The following ANKFN1 variants were observed in gnomAD, a reference collection of about 807,000 sequenced individuals.
ANKFN1 encodes the protein ankyrin repeat and fibronectin type III domain containing 1.
ANKFN1 carries 74 observed loss-of-function variants against 108.7 expected under a neutral mutation model. The observed-to-expected ratio is 0.68, with a 90% CI of 0.56 to 0.83. The LOEUF (loss-of-function observed/expected upper bound fraction) is 0.83, where lower values mean the gene tolerates loss of function less well. Ranked by LOEUF, ANKFN1 falls within the 40% of genes least tolerant of loss-of-function variation. The pLI is 0.00. For synonymous variants in ANKFN1, 547 were observed against 516.2 expected (o/e 1.06, Z -0.81); for missense variants, 1,505 against 1,382.3 (o/e 1.09, Z -1.41).
rs144827394 is a variant in ANKFN1 at position 56,227,977 on chromosome 17, G to C, written c.53+20G>C. 7,230 of 1,599,608 alleles carry C rather than the reference G, an allele frequency of 4.5e-3. 17 individuals are homozygous for C. Among genetic ancestry groups the C allele is most frequent in the Non-Finnish European group, 5.3e-3 (6,256 of 1,172,770 alleles). On this transcript the variant is annotated intron_variant, in intron 3 of 20. Coordinates refer to ENST00000682825, the MANE Select transcript of ANKFN1 (RefSeq NM_001370326.1). ...CAAAATGTAAGTACATTTCCTCCTT[G>C]AAATGGTATCTACTTCTCAGCTGTA... is the stretch of plus-strand genomic sequence containing the variant.
At chr17:56,343,508 G>A (rs1482402712) in intron 4 of ANKFN1, among the ~76,000 whole-genome samples, 1 of 151,572 alleles carries the variant, frequency 6.6e-6, no homozygotes, top group East Asian at 1.9e-4. Context: ...TTTCTCTCTT[G>A]CTATCTTTAA....
chr17:56,147,177 G>T (rs1287447989), intron 4 of ANKFN1, among the ~76,000 whole-genome samples: 3 of 152,102 alleles, frequency 2.0e-5, no homozygotes, highest in Non-Finnish European at 2.9e-5. Context: ...CAGCATTTTG[G>T]TCAAGCCGTT....
At chr17:56,453,160 G>A (rs961948776) in intron 11 of ANKFN1, among the ~76,000 whole-genome samples, 3 of 151,394 alleles carry the variant, frequency 2.0e-5, no homozygotes, top group Admixed American at 6.6e-5. Context: ...AATGTTTTTC[G>A]ATTTTAGTCA....
chr17:56,393,193 A>G (rs1376769088), intron 8 of ANKFN1, among the ~76,000 whole-genome samples: 1 of 152,152 alleles, frequency 6.6e-6, no homozygotes, highest in Non-Finnish European at 1.5e-5. Context: ...GGCCATTTGT[A>G]TACAATACCT....
intron 3 of ANKFN1, among the ~76,000 whole-genome samples, chr17:56,316,205 A>G (rs2045202185): frequency 6.6e-6 from 1 of 152,174 alleles, no homozygotes; most frequent in Admixed American, 6.5e-5. Context: ...TTACACAGTT[A>G]TGCGTCTTTA....
At chr17:56,307,369 A>G (rs532435682) in intron 3 of ANKFN1, among the ~76,000 whole-genome samples, 1 of 152,352 alleles carries the variant, frequency 6.6e-6, no homozygotes, top group African/African-American at 2.4e-5. Context: ...ATGAACTCCA[A>G]CACATTTACA....
chr17:56,280,355 C>T (rs1006009990), intron 3 of ANKFN1, among the ~76,000 whole-genome samples: 2 of 152,128 alleles, frequency 1.3e-5, no homozygotes, highest in Admixed American at 6.5e-5. Context: ...AGAGGAAGGG[C>T]GATTTGCTTC....
rs2047550239 is a variant in ANKFN1 at position 56,395,348 on chromosome 17, A to G, written c.910+20634A>G. On this transcript the variant is annotated intron_variant, in intron 8 of 20. Transcript: ENST00000682825. ...AGCACCAATCAGACGCTGTTGTGTG[A>G]AAAGACACAACCACAGCCATACGGA... Among the ~76,000 whole-genome samples the G allele has an allele frequency of 3.3e-5, 5 of 152,162 alleles. No homozygotes were observed. The South Asian group carries it at 1.0e-3, about 32-fold the overall frequency.
At chr17:56,361,530 T>G (rs796683410) in intron 6 of ANKFN1, among the ~76,000 whole-genome samples, 4 of 152,196 alleles carry the variant, frequency 2.6e-5, no homozygotes, top group African/African-American at 9.6e-5. Context: ...TTCCTTACCC[T>G]CTCTGTGGCC....
At chr17:56,239,912 T>G (rs1224281484) in intron 3 of ANKFN1, among the ~76,000 whole-genome samples, 1 of 152,104 alleles carries the variant, frequency 6.6e-6, no homozygotes, top group African/African-American at 2.4e-5. Flanking sequence ...AAGGACAGCT[T>G]ACACATTCGG....
At chr17:56,324,566 T>C (rs778848420) in intron 3 of ANKFN1, among the ~76,000 whole-genome samples, 1 of 152,176 alleles carries the variant, frequency 6.6e-6, no homozygotes, top group South Asian at 2.1e-4. Flanking sequence ...TAAGTCTGCA[T>C]TCAAGCCAAA....
intron 4 of ANKFN1, among the ~76,000 whole-genome samples, chr17:56,124,860 G>C (rs1245220543): frequency 6.6e-6 from 1 of 152,140 alleles, no homozygotes; most frequent in Admixed American, 6.5e-5. Context: ...GCTGTCCTTG[G>C]TTCTCTTTCC....
intron 1 of ANKFN1, among the ~76,000 whole-genome samples, chr17:56,173,876 G>T (rs1910894451): frequency 6.6e-6 from 1 of 152,170 alleles, no homozygotes; most frequent in African/African-American, 2.4e-5. Flanking sequence ...AGTATCAGCT[G>T]GGAAATGTCA....
At chr17:56,391,409 T>TAC (rs2047434725) in intron 8 of ANKFN1, among the ~76,000 whole-genome samples, 1 of 141,976 alleles carries the variant, frequency 7.0e-6, no homozygotes, top group South Asian at 2.2e-4. Context: ...TGTGTGTGTG[T>TAC]GTACATATAT....
chr17:56,444,814 A>G (rs560153276), intron 10 of ANKFN1, among the ~76,000 whole-genome samples: 53 of 152,292 alleles, frequency 3.5e-4, no homozygotes, highest in African/African-American at 1.3e-3. Flanking sequence ...ACACTGGTAC[A>G]TGGCTGAACC....
In ANKFN1 at chr17:56,337,597, A is replaced by G. The variant is rs184584181; in HGVS notation, c.188+11242A>G. ...AAAGGGCTAATATCCAAAGAACTGA[A>G]ACAAATTTACAAGAAAAAAAGCAAC... is the stretch of plus-strand genomic sequence containing the variant. On this transcript the variant is annotated intron_variant, in intron 4 of 20. Coordinates refer to ENST00000682825, the MANE Select transcript of ANKFN1 (RefSeq NM_001370326.1). Among the ~76,000 whole-genome samples, 478 of 136,234 alleles carry G rather than the reference A, an allele frequency of 3.5e-3. 1 individual carries two copies. The highest frequency in any genetic ancestry group is 5.8e-3 in the Non-Finnish European group (353 of 61,090). 89.4% of individuals were successfully genotyped at this position (136,234 alleles called of 152,430 possible).
intron 8 of ANKFN1, among the ~76,000 whole-genome samples, chr17:56,379,363 C>G (rs1265203091): frequency 1.3e-5 from 2 of 150,672 alleles, no homozygotes; most frequent in African/African-American, 4.9e-5. Flanking sequence ...CGTGCCACTG[C>G]ACTCCAGCCT....
chr17:56,329,297 G>A (rs976609228), intron 4 of ANKFN1, among the ~76,000 whole-genome samples: 20 of 152,068 alleles, frequency 1.3e-4, no homozygotes, highest in Admixed American at 5.2e-4. Context: ...GGCCCTCACT[G>A]GTACTGACTT....
chr17:56,256,957 T>C (rs2043374021), intron 3 of ANKFN1, among the ~76,000 whole-genome samples: 1 of 152,228 alleles, frequency 6.6e-6, no homozygotes, highest in South Asian at 2.1e-4. Context: ...TAGTCCCAGA[T>C]TGCCTAACAG....
Sources: gnomAD v4.1 joint callset for allele counts (sites outside exome capture counted in the v4.1 genomes callset) on GRCh38, gnomAD v4.1.1 for gene constraint, MANE v1.5 for transcripts, NCBI Gene and HGNC (gene_info 2026-07-23, HGNC 2026-07-21) for gene names.